SLC22A3: variants seen among roughly 807,000 people sequenced by gnomAD.
SLC22A3 encodes EMT organic cation transporter 3.
In SLC22A3, 51 loss-of-function variants were observed where a neutral mutation model predicts 59.1. That is an observed-to-expected ratio of 0.86 (90% CI 0.69 to 1.09). The LOEUF (loss-of-function observed/expected upper bound fraction) is 1.09, where lower values mean the gene tolerates loss of function less well. Among genes scored for constraint, SLC22A3 ranks in the 50% least tolerant of loss-of-function variants. SLC22A3 has a pLI of 0.00. For synonymous variants in SLC22A3, 325 were observed against 292.0 expected, an observed-to-expected ratio of 1.11 and a Z score of -1.15; for missense variants, 711 against 726.3, an observed-to-expected ratio of 0.98 and a Z score of 0.24.
chr6:160,412,171 G>T (rs1787279262), intron 5 of SLC22A3, among the ~76,000 whole-genome samples: 1 of 152,106 alleles, frequency 6.6e-6, no homozygotes, highest in African/African-American at 2.4e-5. Context: ...AGACCAGCCT[G>T]GCCAACATGG....
At chr6:160,399,308 C>CT (rs1024385264) in intron 2 of SLC22A3, among the ~76,000 whole-genome samples, 19 of 152,150 alleles carry the variant, frequency 1.2e-4, no homozygotes, top group African/African-American at 4.6e-4. Flanking sequence ...ACATGCCACT[C>CT]TTTTTTTGCT....
intron 1 of SLC22A3, among the ~76,000 whole-genome samples, chr6:160,360,309 T>A (rs985987690): frequency 2.0e-5 from 3 of 152,094 alleles, no homozygotes; most frequent in Admixed American, 1.3e-4. Context: ...TATACAAAAA[T>A]TAGCCAGCCG....
At chr6:160,369,834 G>C (rs1785338181) in intron 1 of SLC22A3, among the ~76,000 whole-genome samples, 1 of 152,166 alleles carries the variant, frequency 6.6e-6, no homozygotes, top group South Asian at 2.1e-4. Flanking sequence ...CAGATTATGA[G>C]AGTCATGAAT....
chr6:160,418,977 A>G (rs1787619753), intron 5 of SLC22A3, among the ~76,000 whole-genome samples: 1 of 152,258 alleles, frequency 6.6e-6, no homozygotes, highest in South Asian at 2.1e-4. Context: ...TGTTATATCA[A>G]TAATGTTCAC....
At chr6:160,433,871 C>T (rs922022854) in intron 5 of SLC22A3, among the ~76,000 whole-genome samples, 4 of 152,114 alleles carry the variant, frequency 2.6e-5, no homozygotes, top group African/African-American at 9.7e-5. Flanking sequence ...GGATAGAAGT[C>T]ATAGCTCTCA....
intron 5 of SLC22A3, among the ~76,000 whole-genome samples, chr6:160,422,932 G>A (rs1471975919): frequency 6.6e-6 from 1 of 152,046 alleles, no homozygotes; most frequent in Non-Finnish European, 1.5e-5. Flanking sequence ...GGTGCACCCA[G>A]TAACTCGTCA....
intron 2 of SLC22A3, among the ~76,000 whole-genome samples, chr6:160,401,598 G>A (rs531078137): frequency 3.9e-5 from 6 of 152,020 alleles, no homozygotes; most frequent in African/African-American, 1.4e-4. Flanking sequence ...TAAAGGAAAG[G>A]CATTGGAGAG....
At chr6:160,360,779 C>CA (rs944929963) in intron 1 of SLC22A3, among the ~76,000 whole-genome samples, 2 of 152,120 alleles carry the variant, frequency 1.3e-5, no homozygotes, top group African/African-American at 4.8e-5. Flanking sequence ...CCGCCCCAAC[C>CA]AATGTAGTCT....
chr6:160,450,156 T>C (rs972006819), intron 10 of SLC22A3, among the ~76,000 whole-genome samples: 2 of 152,208 alleles, frequency 1.3e-5, no homozygotes, highest in Non-Finnish European at 2.9e-5. Context: ...CTGAGGGTAC[T>C]GCAGGAGGCC....
chr6:160,358,287 C>G (rs1174122986), intron 1 of SLC22A3, among the ~76,000 whole-genome samples: 4 of 152,090 alleles, frequency 2.6e-5, no homozygotes, highest in Non-Finnish European at 5.9e-5. Context: ...AGTGGGGAGA[C>G]TTAGGTAAAT....
At chr6:160,414,440 GATTAATGA>G (rs1787386624) in intron 5 of SLC22A3, among the ~76,000 whole-genome samples, 1 of 152,118 alleles carries the variant, frequency 6.6e-6, no homozygotes. Flanking sequence ...CTCCCAAAGT[GATTAATGA>G]GTTGAGTGTG....
At chr6:160,360,740 A>G (rs577169459) in intron 1 of SLC22A3, among the ~76,000 whole-genome samples, 1 of 152,228 alleles carries the variant, frequency 6.6e-6, no homozygotes, top group Non-Finnish European at 1.5e-5. Flanking sequence ...GTTAATGCTG[A>G]TATATGATTT....
At chr6:160,432,027 A>G (rs1362255591) in intron 5 of SLC22A3, among the ~76,000 whole-genome samples, 1 of 152,198 alleles carries the variant, frequency 6.6e-6, no homozygotes, top group Non-Finnish European at 1.5e-5. Flanking sequence ...GTGTAAGATG[A>G]CTGCTAAGTT....
At chr6:160,381,395 G>C (rs999486548) in intron 1 of SLC22A3, among the ~76,000 whole-genome samples, 1 of 152,180 alleles carries the variant, frequency 6.6e-6, no homozygotes, top group African/African-American at 2.4e-5. Context: ...TAAAACAGAA[G>C]CTGACTCCTC....
Position 160,447,818 on chromosome 6 carries a change from G to A in SLC22A3, c.1610G>A (p.Ser537Asn). The A allele has an allele frequency of 6.2e-7, 1 of 1,612,046 alleles. No homozygotes were observed. The highest frequency in any genetic ancestry group is 8.5e-7 in the Non-Finnish European group (1 of 1,178,194). Residue 537 changes from serine (S) to asparagine (N), a missense_variant and splice_region_variant, in exon 10 of 11, where the codon AGT becomes AAT. By Grantham distance (46) the Ser-to-Asn change is conservative. Transcript: ENST00000275300. ...ETVDDVEKLG[S>N]PHSCKCGRNK... ...GTGGATGATGTAGAAAAACTTGGCA[G>A]GTACTGTACAAAATTCAATGCACCC...
chr6:160,437,567 C>T (rs147885044), intron 7 of SLC22A3, among the ~76,000 whole-genome samples: 2 of 152,310 alleles, frequency 1.3e-5, no homozygotes, highest in African/African-American at 2.4e-5. Context: ...CCATGCTAAA[C>T]GCTGAGGTTA....
At chr6:160,418,232 G>T (rs56141141) in intron 5 of SLC22A3, among the ~76,000 whole-genome samples, 1,601 of 152,264 alleles carry the variant, frequency 0.011, 34 homozygotes, top group African/African-American at 0.036. Context: ...GGTGGGATAG[G>T]ATGTCTTGCT....
intron 1 of SLC22A3, among the ~76,000 whole-genome samples, chr6:160,387,140 G>A (rs184017322): frequency 5.9e-5 from 9 of 152,338 alleles, no homozygotes; most frequent in Admixed American, 3.3e-4. Context: ...AACTGCCCGA[G>A]CACCCACATA....
At chr6:160,378,884 G>A (rs1344891997) in intron 1 of SLC22A3, among the ~76,000 whole-genome samples, 2 of 152,156 alleles carry the variant, frequency 1.3e-5, no homozygotes, top group Non-Finnish European at 2.9e-5. Context: ...GGGAGTTGTG[G>A]CTCACTGCCA....
Sources: gnomAD v4.1 joint callset for allele counts (sites outside exome capture counted in the v4.1 genomes callset) on GRCh38, gnomAD v4.1.1 for gene constraint, MANE v1.5 for transcripts, NCBI Gene and HGNC (gene_info 2026-07-23, HGNC 2026-07-21) for gene names.